Variants in NCOA1 observed in about 807,000 individuals in gnomAD.
NCOA1 encodes nuclear receptor coactivator 1.
NCOA1 carries 35 observed loss-of-function variants against 150.9 expected under a neutral mutation model. The observed-to-expected ratio is 0.23, with a 90% confidence interval of 0.18 to 0.31. The LOEUF (loss-of-function observed/expected upper bound fraction) is 0.31, where lower values mean the gene tolerates loss of function less well. Ranked by LOEUF, NCOA1 falls within the 10% of genes least tolerant of loss-of-function variation. The pLI is 1.00. For synonymous variants in NCOA1, 590 were observed against 630.0 expected (o/e 0.94, Z 0.95); for missense variants, 1,491 against 1,749.3 (o/e 0.85, Z 2.63).
chr2:24,533,367 A>G (rs1664981745), intron 1 of NCOA1, among the ~76,000 whole-genome samples: 1 of 152,196 alleles, frequency 6.6e-6, no homozygotes, highest in South Asian at 2.1e-4. Flanking sequence ...GCGGTTTTCT[A>G]AATATCCAAT....
At chr2:24,753,497 G>A (rs1302364807) in intron 20 of NCOA1, among the ~76,000 whole-genome samples, 2 of 152,098 alleles carry the variant, frequency 1.3e-5, no homozygotes, top group African/African-American at 4.8e-5. Context: ...AACTAATCAG[G>A]CTTTCATTCC....
At chr2:24,687,581 A>G (rs1008593823) in intron 8 of NCOA1, among the ~76,000 whole-genome samples, 19 of 152,122 alleles carry the variant, frequency 1.2e-4, no homozygotes, top group Admixed American at 4.6e-4. Context: ...GCCTCAGAAA[A>G]CTTACAATCA....
intron 1 of NCOA1, among the ~76,000 whole-genome samples, chr2:24,498,361 G>A (rs1164559631): frequency 6.6e-6 from 1 of 152,220 alleles, no homozygotes; most frequent in Non-Finnish European, 1.5e-5. Context: ...TTCTTAAGCA[G>A]ATTATGACCT....
At chr2:24,695,955 A>G (rs1482595100) in intron 10 of NCOA1, among the ~76,000 whole-genome samples, 5 of 152,204 alleles carry the variant, frequency 3.3e-5, no homozygotes, top group Non-Finnish European at 7.3e-5. Context: ...GCATTATTGT[A>G]TAGGAAGATT....
intron 3 of NCOA1, among the ~76,000 whole-genome samples, chr2:24,586,606 A>G (rs569971262): frequency 1.3e-5 from 2 of 152,002 alleles, no homozygotes; most frequent in Non-Finnish European, 2.9e-5. Flanking sequence ...GAGTATGCCC[A>G]GCTAATTTTT....
intron 11 of NCOA1, among the ~76,000 whole-genome samples, chr2:24,704,420 A>G (rs1289904862): frequency 6.6e-6 from 1 of 152,156 alleles, no homozygotes; most frequent in Non-Finnish European, 1.5e-5. Context: ...GAGGGGAGAA[A>G]AATATTTCCT....
intron 1 of NCOA1, among the ~76,000 whole-genome samples, chr2:24,563,387 A>G (rs1441485178): frequency 1.3e-5 from 2 of 152,334 alleles, no homozygotes; most frequent in Non-Finnish European, 2.9e-5. Context: ...GACCCGTGGT[A>G]TAATGACCGT....
At chr2:24,530,958 T>C (rs573736532) in intron 1 of NCOA1, among the ~76,000 whole-genome samples, 1 of 152,324 alleles carries the variant, frequency 6.6e-6, no homozygotes, top group East Asian at 1.9e-4. Flanking sequence ...AATGCTCTTA[T>C]AGCATTCTGA....
At chr2:24,538,329 C>A (rs1665250615) in intron 1 of NCOA1, among the ~76,000 whole-genome samples, 1 of 152,158 alleles carries the variant, frequency 6.6e-6, no homozygotes, top group African/African-American at 2.4e-5. Context: ...GTTAGGAGAA[C>A]TTTTATTTTC....
intron 13 of NCOA1, among the ~76,000 whole-genome samples, chr2:24,710,584 C>T (rs1673698238): frequency 1.3e-5 from 2 of 152,048 alleles, no homozygotes; most frequent in African/African-American, 4.8e-5. Context: ...AGGAAAAAGT[C>T]ACCCATAATG....
At chr2:24,700,060 T>C (rs1383363536) in intron 11 of NCOA1, among the ~76,000 whole-genome samples, 1 of 151,852 alleles carries the variant, frequency 6.6e-6, no homozygotes, top group Non-Finnish European at 1.5e-5. Flanking sequence ...GGAGAATCAC[T>C]TGAACCCGGG....
At chr2:24,566,771 G>T (rs6723622) in intron 2 of NCOA1, among the ~76,000 whole-genome samples, 3 of 152,234 alleles carry the variant, frequency 2.0e-5, no homozygotes, top group Admixed American at 2.0e-4. Context: ...ACCCGTGCTC[G>T]TTGGCACCCA....
chr2:24,596,994 A>C (rs1375074417), intron 3 of NCOA1, among the ~76,000 whole-genome samples: 1 of 152,222 alleles, frequency 6.6e-6, no homozygotes, highest in African/African-American at 2.4e-5. Context: ...ATCATCCAAA[A>C]GGAATATTAA....
At chr2:24,752,268 C>A in intron 20 of NCOA1, 112 bp downstream of exon 20, 1 of 1,275,470 alleles carries the variant, frequency 7.8e-7, no homozygotes, top group Non-Finnish European at 1.1e-6. Flanking sequence ...TGAAAGAAGG[C>A]CGGACACAAA....
intron 1 of NCOA1, among the ~76,000 whole-genome samples, chr2:24,504,354 GT>G (rs1663602407): frequency 6.6e-6 from 1 of 152,200 alleles, no homozygotes; most frequent in South Asian, 2.1e-4. Flanking sequence ...GCCCTAAAGT[GT>G]CCCACATCGA....
At chr2:24,564,219 A>G (rs1250937503) in intron 1 of NCOA1, 76 bp from the exon 2 acceptor site, 1 of 152,240 alleles carries the variant, frequency 6.6e-6, no homozygotes, top group Non-Finnish European at 1.5e-5. Flanking sequence ...TATGCTTACA[A>G]ACAGTGGTGT....
At chr2:24,757,943 A>G in intron 20 of NCOA1, 30 bp from the exon 21 acceptor site, 1 of 1,609,104 alleles carries the variant, frequency 6.2e-7, no homozygotes, top group Non-Finnish European at 8.5e-7. Flanking sequence ...TGATCAGTGG[A>G]TGTAATCTGG....
intron 2 of NCOA1, among the ~76,000 whole-genome samples, chr2:24,583,458 T>C (rs1040070861): frequency 5.3e-5 from 8 of 152,112 alleles, no homozygotes; most frequent in Non-Finnish European, 8.8e-5. Flanking sequence ...GAATATAAAT[T>C]AGAACCACCA....
At chr2:24,632,176 T>C (rs1174794518) in intron 3 of NCOA1, among the ~76,000 whole-genome samples, 3 of 152,078 alleles carry the variant, frequency 2.0e-5, no homozygotes, top group African/African-American at 4.8e-5. Context: ...GGAGGGAATA[T>C]GACAAAATTT....
Sources: allele counts gnomAD v4.1 joint callset (sites outside exome capture counted in the v4.1 genomes callset), GRCh38; gene constraint gnomAD v4.1.1; transcripts MANE v1.5; gene names NCBI Gene and HGNC (gene_info 2026-07-23, HGNC 2026-07-21).